TMEM178B: variants seen among roughly 807,000 people sequenced by gnomAD.
TMEM178B encodes transmembrane protein 178B.
TMEM178B carries 5 observed loss-of-function variants against 31.0 expected under a neutral mutation model. The ratio of observed to expected loss-of-function variants is 0.16; its 90% CI spans 0.08 to 0.34. The LOEUF (loss-of-function observed/expected upper bound fraction) is 0.34, where lower values mean the gene tolerates loss of function less well. Ranked by LOEUF, TMEM178B falls within the 10% of genes least tolerant of loss-of-function variation. The pLI, the probability that TMEM178B is intolerant of heterozygous loss-of-function variation, is 1.00. For missense variants in TMEM178B, 275 were observed against 400.3 expected (o/e 0.69, Z 2.67); for synonymous variants, 164 against 164.0 (o/e 1.00, Z 0.00).
At chr7:141,261,271 C>T (rs1308207343) in intron 2 of TMEM178B, among the ~76,000 whole-genome samples, 1 of 151,694 alleles carries the variant, frequency 6.6e-6, no homozygotes, top group Admixed American at 6.6e-5. Context: ...GGTGGTTCTA[C>T]TTCTTCCTAT....
intron 2 of TMEM178B, among the ~76,000 whole-genome samples, chr7:141,311,437 G>A (rs890875861): frequency 6.6e-6 from 1 of 151,994 alleles, no homozygotes; most frequent in South Asian, 2.1e-4. Flanking sequence ...AATATGCTTT[G>A]CTCTTTTTTC....
intron 1 of TMEM178B, among the ~76,000 whole-genome samples, chr7:141,200,475 G>A (rs554774092): frequency 6.6e-6 from 1 of 152,244 alleles, no homozygotes; most frequent in East Asian, 1.9e-4. Flanking sequence ...TGAGCCTGGA[G>A]GCAGGTGACC....
intron 1 of TMEM178B, among the ~76,000 whole-genome samples, chr7:141,191,914 A>G (rs1796702921): frequency 6.6e-6 from 1 of 152,140 alleles, no homozygotes; most frequent in African/African-American, 2.4e-5. Context: ...TTGGGCTATA[A>G]AAAGGTTTTA....
chr7:141,146,407 A>G (rs1037682773), intron 1 of TMEM178B, among the ~76,000 whole-genome samples: 3 of 152,208 alleles, frequency 2.0e-5, no homozygotes, highest in Non-Finnish European at 2.9e-5. Flanking sequence ...AAGGTGGATA[A>G]CAGCACAGAC....
intron 2 of TMEM178B, among the ~76,000 whole-genome samples, chr7:141,245,021 C>T (rs970533340): frequency 3.3e-5 from 5 of 150,930 alleles, no homozygotes; most frequent in Non-Finnish European, 5.9e-5. Context: ...CCTGTAATCC[C>T]AGCTACTCGG....
At chr7:141,323,476 T>G (rs1308185283) in intron 2 of TMEM178B, among the ~76,000 whole-genome samples, 2 of 152,248 alleles carry the variant, frequency 1.3e-5, no homozygotes, top group African/African-American at 2.4e-5. Context: ...GTGAGTAAAT[T>G]CTACATCATT....
chr7:141,295,824 AGAAGAGAGGT>A (rs1294285412), intron 2 of TMEM178B, among the ~76,000 whole-genome samples: 1 of 152,206 alleles, frequency 6.6e-6, no homozygotes, highest in Non-Finnish European at 1.5e-5. Flanking sequence ...ATACAAGCAC[AGAAGAGAGGT>A]GAACCTTTGT....
intron 2 of TMEM178B, among the ~76,000 whole-genome samples, chr7:141,342,028 A>C (rs1308942841): frequency 6.6e-6 from 1 of 152,054 alleles, no homozygotes; most frequent in African/African-American, 2.4e-5. Context: ...GCTCACTGCA[A>C]CCTCCGCCTC....
chr7:141,095,913 T>C (rs958532722), intron 1 of TMEM178B, among the ~76,000 whole-genome samples: 22 of 152,304 alleles, frequency 1.4e-4, no homozygotes, highest in African/African-American at 5.3e-4. Flanking sequence ...TTTCCTGTTT[T>C]GTACTTTTAC....
rs570297960 is a variant in TMEM178B at position 141,441,800 on chromosome 7, T to G, written c.634+4055T>G. On this transcript the variant is annotated intron_variant, in intron 3 of 3. Coordinates refer to ENST00000565468, the MANE Select transcript of TMEM178B (RefSeq NM_001195278.2). ...GAAGATGGCCTGCGCTGGGCACTTT[T>G]CTGTTCCAGGTTTAACTATTTCCTG... Among the ~76,000 whole-genome samples, 13 of 152,348 alleles carry G rather than the reference T, an allele frequency of 8.5e-5. No homozygotes were observed. The South Asian group carries it at 2.3e-3, about 27-fold the overall frequency.
chr7:141,254,514 T>A (rs1224388651), intron 2 of TMEM178B, among the ~76,000 whole-genome samples: 4 of 152,046 alleles, frequency 2.6e-5, no homozygotes, highest in Non-Finnish European at 5.9e-5. Flanking sequence ...GGTCAGGAGT[T>A]CGAGACCAGC....
chr7:141,134,649 A>G (rs945801373), intron 1 of TMEM178B, among the ~76,000 whole-genome samples: 16 of 152,224 alleles, frequency 1.1e-4, no homozygotes, highest in African/African-American at 3.9e-4. Context: ...AAAACAATGA[A>G]CAATAATGAC....
intron 1 of TMEM178B, among the ~76,000 whole-genome samples, chr7:141,133,384 A>G (rs1795623690): frequency 6.6e-6 from 1 of 152,142 alleles, no homozygotes; most frequent in Admixed American, 6.5e-5. Flanking sequence ...ACAAAGATAT[A>G]CTTACCATAA....
At chr7:141,186,781 T>C (rs1298816554) in intron 1 of TMEM178B, among the ~76,000 whole-genome samples, 1 of 152,116 alleles carries the variant, frequency 6.6e-6, no homozygotes, top group Non-Finnish European at 1.5e-5. Context: ...GCCCCACCAG[T>C]GGCTACTAAC....
At chr7:141,250,079 A>AT (rs987690174) in intron 2 of TMEM178B, among the ~76,000 whole-genome samples, 4 of 151,554 alleles carry the variant, frequency 2.6e-5, no homozygotes, top group African/African-American at 7.3e-5. Context: ...AAAATAACTA[A>AT]TTTTTTTTTC....
At chr7:141,386,103 G>A (rs766103567) in intron 2 of TMEM178B, among the ~76,000 whole-genome samples, 33 of 152,206 alleles carry the variant, frequency 2.2e-4, no homozygotes, top group African/African-American at 7.7e-4. Flanking sequence ...TTATGAGCAG[G>A]TGGCCTCTAA....
In TMEM178B at chr7:141,145,041, G is replaced by A. The variant is rs142043726; in HGVS notation, c.383-67550G>A. Among the ~76,000 whole-genome samples the A allele has an allele frequency of 5.3e-5, 8 of 152,264 alleles. No individual in the cohort carries two copies. In the East Asian group the frequency reaches 1.3e-3, roughly 26 times the overall value. ...GCTCTGGCATAATTACTTTTCTGAGGAAATTATTCTAAGGTCACTTTTGGT... is the reference window on the plus strand; with the variant it reads ...GCTCTGGCATAATTACTTTTCTGAGAAAATTATTCTAAGGTCACTTTTGGT... On this transcript the variant is annotated intron_variant, in intron 1 of 3. Coordinates refer to ENST00000565468, the MANE Select transcript of TMEM178B (RefSeq NM_001195278.2).
At chr7:141,330,370 A>C (rs1480939593) in intron 2 of TMEM178B, among the ~76,000 whole-genome samples, 1 of 152,072 alleles carries the variant, frequency 6.6e-6, no homozygotes, top group Non-Finnish European at 1.5e-5. Context: ...GTGAGAACAT[A>C]TGGTGTTTGG....
At chr7:141,257,870 G>C (rs1318035565) in intron 2 of TMEM178B, among the ~76,000 whole-genome samples, 1 of 151,648 alleles carries the variant, frequency 6.6e-6, no homozygotes, top group Non-Finnish European at 1.5e-5. Context: ...TGGCAGTTTT[G>C]CTATTTCTTT....
Sources: allele counts gnomAD v4.1 joint callset (sites outside exome capture counted in the v4.1 genomes callset), GRCh38; gene constraint gnomAD v4.1.1; transcripts MANE v1.5; gene names NCBI Gene and HGNC (gene_info 2026-07-23, HGNC 2026-07-21).